The following MTERF4 variants were observed in gnomAD, a reference collection of about 807,000 sequenced individuals.
MTERF4 encodes the protein transcription termination factor 4, mitochondrial.
MTERF4 carries 17 observed loss-of-function variants against 22.5 expected under a neutral mutation model. The ratio of observed to expected loss-of-function variants is 0.75; its 90% CI spans 0.52 to 1.13. The LOEUF is 1.13. Among genes scored for constraint, MTERF4 ranks in the 50% most tolerant of loss-of-function variants. The pLI, the probability that MTERF4 is intolerant of heterozygous loss-of-function variation, is 0.00. For missense variants in MTERF4, 420 were observed against 466.8 expected (o/e 0.90, Z 0.92); for synonymous variants, 165 against 175.3 (o/e 0.94, Z 0.47).
chr2:241,070,991 C>T (rs1261559013), downstream of MTERF4, among the ~76,000 whole-genome samples: 2 of 152,194 alleles, frequency 1.3e-5, no homozygotes, highest in South Asian at 2.1e-4. Flanking sequence ...CCCAACCCTG[C>T]CACCCCCACC....
chr2:241,070,082 C>T (rs773042335), downstream of MTERF4: 11 of 1,612,970 alleles, frequency 6.8e-6, no homozygotes, highest in Non-Finnish European at 9.3e-6. Context: ...GGGAAGCTGG[C>T]GTCCTACACG....
chr2:241,097,380 G>A lies in MTERF4; in HGVS notation c.568C>T (p.Arg190Cys), dbSNP rs1056529525. The A allele has an allele frequency of 1.4e-5, 22 of 1,613,996 alleles. No individual in the cohort carries two copies. The highest frequency in any genetic ancestry group is 1.7e-5 in the Admixed American group (1 of 59,998). ...LYCCPEIFTM[R>C]QQDINDTVRL... ...ACAGTGTCGTTAATGTCCTGCTGGC[G>A]CATGGTGAAAATTTCAGGGCAACAG... The change falls in exon 3 of 4, where the codon CGC becomes TGC. Residue 190 changes from arginine (R) to cysteine (C), a missense_variant. Transcript: ENST00000391980.
the MTERF4 span, among the ~76,000 whole-genome samples, chr2:241,055,273 G>C: frequency 2.0e-5 from 3 of 152,104 alleles, no homozygotes; most frequent in African/African-American, 7.2e-5. Flanking sequence ...AGATTAAAAG[G>C]GCCCACAGAA....
the MTERF4 span, among the ~76,000 whole-genome samples, chr2:241,059,476 A>G: frequency 6.6e-6 from 1 of 152,222 alleles, no homozygotes; most frequent in Non-Finnish European, 1.5e-5. Context: ...AGACACAGAC[A>G]CTACAAAATT....
the MTERF4 span, among the ~76,000 whole-genome samples, chr2:241,043,266 A>C: frequency 1.3e-5 from 2 of 152,248 alleles, no homozygotes; most frequent in Non-Finnish European, 2.9e-5. Context: ...AAAAACAGCC[A>C]GAGGAAAAAG....
chr2:241,064,755 G>A, the MTERF4 span: 1 of 909,702 alleles, frequency 1.1e-6, no homozygotes, highest in Non-Finnish European at 1.6e-6. The surrounding 1 kb of genome is among the most constrained non-coding windows in gnomAD (Gnocchi z 7.0). Context: ...CCACGCAGGA[G>A]GGACCCAGTG....
chr2:241,059,002 A>C, the MTERF4 span, among the ~76,000 whole-genome samples: 2 of 152,198 alleles, frequency 1.3e-5, no homozygotes, highest in South Asian at 4.1e-4. Flanking sequence ...TGATCAGGAA[A>C]AAAAGAGAGA....
intron 4 of MTERF4, among the ~76,000 whole-genome samples, chr2:241,077,241 C>G (rs2063069801): frequency 6.6e-6 from 1 of 152,134 alleles, no homozygotes; most frequent in Admixed American, 6.6e-5. Context: ...GGCCGGAGCC[C>G]TCGTACCATA....
At chr2:241,052,624 G>A in the MTERF4 span, among the ~76,000 whole-genome samples, 1 of 140,942 alleles carries the variant, frequency 7.1e-6, no homozygotes, top group African/African-American at 2.6e-5. Context: ...GTGCCAGGCA[G>A]GTGAGAGGGC....
downstream of MTERF4, among the ~76,000 whole-genome samples, chr2:241,071,144 C>G (rs1392363450): frequency 2.0e-5 from 3 of 152,184 alleles, no homozygotes; most frequent in African/African-American, 4.8e-5. Flanking sequence ...CAGATGCACC[C>G]TCACTCTCAG....
At chr2:241,059,464 C>T in the MTERF4 span, among the ~76,000 whole-genome samples, 4 of 152,292 alleles carry the variant, frequency 2.6e-5, no homozygotes, top group South Asian at 6.2e-4. Flanking sequence ...GATACCAAAA[C>T]CAGACACAGA....
intron 3 of MTERF4, 43 bp downstream of exon 3, chr2:241,097,200 T>C: frequency 6.2e-7 from 1 of 1,602,450 alleles, no homozygotes; most frequent in Non-Finnish European, 8.5e-7. Context: ...TACCAGTCAT[T>C]CTCACCTGAA....
the MTERF4 span, chr2:241,051,872 AG>A: frequency 6.5e-7 from 1 of 1,527,536 alleles, no homozygotes. This position sits in a 1 kb window ranked among gnomAD's most constrained non-coding sequence, Gnocchi z 4.7. Flanking sequence ...TGCGGCCCCC[AG>A]GGGCAGGGGG....
At chr2:241,066,802 T>C in the MTERF4 span, among the ~76,000 whole-genome samples, 1 of 152,090 alleles carries the variant, frequency 6.6e-6, no homozygotes, top group African/African-American at 2.4e-5. Context: ...GGGCCCTAGC[T>C]TGATGCCAAT....
chr2:241,043,771 A>G, the MTERF4 span, among the ~76,000 whole-genome samples: 2 of 152,356 alleles, frequency 1.3e-5, no homozygotes, highest in Non-Finnish European at 2.9e-5. Flanking sequence ...TATGGTCTCT[A>G]TCACAACTCA....
At chr2:241,042,813 A>C in the MTERF4 span, among the ~76,000 whole-genome samples, 1 of 152,268 alleles carries the variant, frequency 6.6e-6, no homozygotes, top group South Asian at 2.1e-4. Flanking sequence ...TTCAATATGC[A>C]TCACAGAGAG....
At chr2:241,094,281 T>C (rs57117519), downstream of MTERF4, 42,809 of 469,110 alleles carry the variant, frequency 0.091, 3,353 homozygotes, top group African/African-American at 0.3. This position sits in a 1 kb window ranked among gnomAD's most constrained non-coding sequence, Gnocchi z 4.3. Context: ...GCTCACCTCC[T>C]GCACCTCCCC....
chr2:241,064,072 G>C, the MTERF4 span: 1 of 1,569,948 alleles, frequency 6.4e-7, no homozygotes, highest in Non-Finnish European at 8.6e-7. This position sits in a 1 kb window ranked among gnomAD's most constrained non-coding sequence, Gnocchi z 7.0. Flanking sequence ...AGCGGCGGCG[G>C]GGCCTACCTG....
At chr2:241,102,136 G>A (rs1395984276) in intron 1 of MTERF4, 117 bp downstream of exon 1, 1 of 1,408,492 alleles carries the variant, frequency 7.1e-7, no homozygotes, top group Non-Finnish European at 9.8e-7. Context: ...CAGCGTGCAC[G>A]GACCTCCGGG....
Sources: allele counts gnomAD v4.1 joint callset (sites outside exome capture counted in the v4.1 genomes callset), GRCh38; gene constraint gnomAD v4.1.1; non-coding constraint Gnocchi (gnomAD v3.1); transcripts MANE v1.5; gene names NCBI Gene and HGNC (gene_info 2026-07-23, HGNC 2026-07-21).